MYO1A: variants seen among roughly 807,000 people sequenced by gnomAD.
MYO1A encodes myosin IA.
A neutral mutation model predicts 138.5 loss-of-function variants in MYO1A; 127 were observed. That is an observed-to-expected ratio of 0.92 (90% CI 0.79 to 1.06). The LOEUF is 1.06. MYO1A is among the 50% of genes least tolerant of loss of function. The pLI is 0.00. For synonymous variants in MYO1A, 477 were observed against 497.5 expected, an observed-to-expected ratio of 0.96 and a Z score of 0.55; for missense variants, 1,211 against 1,288.8, an observed-to-expected ratio of 0.94 and a Z score of 0.92.
intron 12 of MYO1A, among the ~76,000 whole-genome samples, 175 bp downstream of exon 12, chr12:57,042,897 T>C (rs925543346): frequency 3.9e-5 from 6 of 152,186 alleles, no homozygotes; most frequent in Admixed American, 2.0e-4. Context: ...TATATCCAGA[T>C]TGTCTAACTC....
rs747610908 is a variant in MYO1A at position 57,029,475 on chromosome 12, G to C, written c.2837C>G (p.Thr946Ser). The C allele has an allele frequency of 1.2e-6, 2 of 1,614,046 alleles. No individual in the cohort carries two copies. Among genetic ancestry groups the C allele is most frequent in the Admixed American group, 1.7e-5 (1 of 60,008 alleles). The change falls in exon 26 of 28, where the codon ACC becomes AGC. Residue 946 changes from threonine to serine, a missense_variant. By Grantham distance (58) the Thr-to-Ser change is moderately conservative. Coordinates refer to ENST00000300119, the MANE Select transcript of MYO1A (RefSeq NM_005379.4). The part of the protein sequence containing the change: ...GLDNVAGVSV[T>S]SLKDGLFSLH... The stretch of plus-strand genomic sequence containing the variant: ...GCTAAAGAGCCCATCCTTGAGGCTG[G>C]TGACTGACACCCCAGCCACATTGTC...
At chr12:57,046,497 T>C in intron 8 of MYO1A, 55 bp downstream of exon 8, 3 of 1,368,934 alleles carry the variant, frequency 2.2e-6, no homozygotes, top group Non-Finnish European at 3.1e-6. Context: ...GAATGGAGGT[T>C]GGGGACTTTG....
In MYO1A at chr12:57,046,885, G is replaced by C. The variant is rs761610394; in HGVS notation, c.519C>G (p.Pro173=). ...TACAGTTTGTGATGACACCACCGAG[G>C]GGGGATCCCTTGAAGTCAAATTCAA... ...MDIEFDFKGS[P]LGGVITNYLL... Residue 173 remains proline, a synonymous_variant, in exon 7 of 28, where the codon CCC becomes CCG. Coordinates refer to ENST00000300119, the MANE Select transcript of MYO1A (RefSeq NM_005379.4). 2.0e-5 allele frequency: 33 copies of C among 1,613,976 alleles called. No homozygotes were observed. The Admixed American group carries it at 4.5e-4, about 22-fold the overall frequency.
intron 19 of MYO1A, 110 bp downstream of exon 19, chr12:57,037,438 T>G (rs996299538): frequency 1.0e-6 from 1 of 1,004,718 alleles, no homozygotes; most frequent in East Asian, 2.4e-5. Flanking sequence ...TCCCATCCAC[T>G]GGACAGTGAT....
At chr12:57,042,565 C>A (rs2030904590) in intron 12 of MYO1A, among the ~76,000 whole-genome samples, 1 of 152,142 alleles carries the variant, frequency 6.6e-6, no homozygotes, top group Non-Finnish European at 1.5e-5. Flanking sequence ...CCTTATTAAA[C>A]CCTGTGAAGC....
chr12:57,040,021 G>C (rs966452712), intron 14 of MYO1A, among the ~76,000 whole-genome samples: 1 of 152,210 alleles, frequency 6.6e-6, no homozygotes, highest in African/African-American at 2.4e-5. Context: ...TGGGCATCAG[G>C]CCTACAGACA....
In MYO1A at chr12:57,036,338, A is replaced by T; in HGVS notation, c.2318T>A (p.Leu773His). 1 of 1,613,872 alleles carries T rather than the reference A, an allele frequency of 6.2e-7. No homozygotes were observed. Among genetic ancestry groups the T allele is most frequent in the Non-Finnish European group, 8.5e-7 (1 of 1,179,792 alleles). Residue 773 changes from leucine (L) to histidine (H), a missense_variant, in exon 22 of 28, where the codon CTC (leucine) becomes CAC (histidine). Physicochemically the swap from Leu to His is moderately conservative, Grantham distance 99. Transcript: ENST00000300119. ...CTTGTAGATGAAATCTGCCAAGGTGAGGGCAGCCTCTGACCGGAAATATTT... is the reference window on the plus strand; with the variant it reads ...CTTGTAGATGAAATCTGCCAAGGTGTGGGCAGCCTCTGACCGGAAATATTT... ...YRKYFRSEAA[L>H]TLADFIYKSM...
Position 57,029,158 on chromosome 12 carries a change from C to T in MYO1A, c.2979G>A (p.Arg993=). ...TCTCAGTCACGGTGACTGTAAGCTG[C>T]CTCTGCGTGGCATCCAGCACAGCCC... is the stretch of plus-strand genomic sequence containing the variant. ...MYRAVLDATQ[R]QLTVTVTEKF... The change falls in exon 27 of 28, where the codon AGG becomes AGA. Residue 993 remains arginine (R), a synonymous_variant. Transcript: ENST00000300119. 6.2e-7 allele frequency: 1 copy of T among 1,614,190 alleles called. No individual in the cohort carries two copies. The highest frequency in any genetic ancestry group is 8.5e-7 in the Non-Finnish European group (1 of 1,180,030).
chr12:57,038,273 A>G, intron 17 of MYO1A, 139 bp downstream of exon 17: 1 of 1,138,112 alleles, frequency 8.8e-7, no homozygotes, highest in East Asian at 2.5e-5. Context: ...TCAGCTCCTT[A>G]TCTGACTGTT....
rs554607870 is a variant in MYO1A at position 57,032,629 on chromosome 12, G to C, written c.2350-1455C>G. Among the ~76,000 whole-genome samples, 135 of 152,222 alleles carry C rather than the reference G, an allele frequency of 8.9e-4. 1 individual carries two copies. Among genetic ancestry groups the C allele is most frequent in the African/African-American group, 3.2e-3 (133 of 41,522 alleles). The stretch of plus-strand genomic sequence containing the variant: ...ACCCGGGAGGTGGAGGTTGCAGTGA[G>C]CCAAGATCGCACCACTGCACTCCAG... On this transcript the variant is annotated intron_variant, in intron 22 of 27. Coordinates refer to ENST00000300119, the MANE Select transcript of MYO1A (RefSeq NM_005379.4).
Position 57,038,103 on chromosome 12 carries a change from G to A in MYO1A, c.1761-34C>T, listed in dbSNP as rs2030661423. 5.0e-6 allele frequency: 8 copies of A among 1,607,050 alleles called. No homozygotes were observed. The Admixed American group carries it at 1.0e-4, about 20-fold the overall frequency. ...AGGTGGGGTAAGGCACAGCCTTCAG[G>A]AGCTGACATCATTGCCAGTGTAACC... is the stretch of plus-strand genomic sequence containing the variant. On this transcript the variant is annotated intron_variant, in intron 17 of 27. Transcript: ENST00000300119.
intron 22 of MYO1A, among the ~76,000 whole-genome samples, chr12:57,034,569 A>G (rs703848): frequency 0.71 from 107,784 of 152,074 alleles, 38,556 homozygotes; most frequent in African/African-American, 0.77. Context: ...AGCTACTGGG[A>G]AGGCCGAGGC....
chr12:57,037,819 G>A (rs745444672), intron 18 of MYO1A, 50 bp downstream of exon 18: 51 of 1,597,866 alleles, frequency 3.2e-5, no homozygotes, highest in Non-Finnish European at 4.4e-5. Flanking sequence ...CCCCAGAGAT[G>A]TTTCCTGCAC....
Position 57,048,013 on chromosome 12 carries a change from G to A in MYO1A, c.206C>T (p.Thr69Ile), listed in dbSNP as rs746150165. 8.1e-6 allele frequency: 13 copies of A among 1,613,994 alleles called. No homozygotes were observed. The East Asian group carries it at 2.7e-4, about 33-fold the overall frequency. Reference sequence around the variant, plus strand: ...CATATGGGGCTTCAGCTCATAGAAAGTATAGTCTTGATATTTGGCAATGAA... The same window carrying A: ...CATATGGGGCTTCAGCTCATAGAAAATATAGTCTTGATATTTGGCAATGAA... ...PEFIAKYQDY[T>I]FYELKPHIYA... is the part of the protein sequence containing the mutation. The change falls in exon 3 of 28, where the codon ACT becomes ATT. Residue 69 changes from threonine to isoleucine, a missense_variant. Physicochemically the swap from Thr to Ile is moderately conservative, Grantham distance 89 (BLOSUM62 -1). Transcript: ENST00000300119.
rs2030208927 is a variant in MYO1A, at chr12:57,030,215, G to A, written c.2586C>T (p.Pro862=). ...ELFKGKKASY[P]QSVPIPFCGD... ...AGGGTCTGGGAGGCCCTCACCTCTG[G>A]GGATATGAAGCCTTCTTGCCCTTGA... Residue 862 remains proline (P), a synonymous_variant, in exon 24 of 28, where the codon CCC becomes CCT. Coordinates refer to ENST00000300119, the MANE Select transcript of MYO1A (RefSeq NM_005379.4). The A allele has an allele frequency of 6.2e-7, 1 of 1,613,734 alleles. No homozygotes were observed. Among genetic ancestry groups the A allele is most frequent in the South Asian group, 1.1e-5 (1 of 91,070 alleles).
chr12:57,041,504 A>G lies in MYO1A; in HGVS notation c.1099-7T>C. On this transcript the variant is annotated splice_region_variant and splice_polypyrimidine_tract_variant and intron_variant, in intron 12 of 27. Coordinates refer to ENST00000300119, the MANE Select transcript of MYO1A (RefSeq NM_005379.4). ...TCTTTTCCCCGATGCCCACCTGAAG[A>G]GGAGAGAAAGATAAATCTGAGGACA... The G allele has an allele frequency of 6.2e-7, 1 of 1,610,788 alleles. No individual in the cohort carries two copies. Among genetic ancestry groups the G allele is most frequent in the Non-Finnish European group, 8.5e-7 (1 of 1,176,932 alleles).
chr12:57,034,627 T>C (rs1293833238), intron 22 of MYO1A, among the ~76,000 whole-genome samples: 1 of 151,954 alleles, frequency 6.6e-6, no homozygotes, highest in East Asian at 1.9e-4. Context: ...TGAGCCGAGA[T>C]CATGCTTGCT....
intron 22 of MYO1A, among the ~76,000 whole-genome samples, chr12:57,032,152 T>C (rs896353449): frequency 8.5e-5 from 13 of 152,202 alleles, no homozygotes; most frequent in Admixed American, 3.3e-4. Context: ...TCTCCTTTCT[T>C]TGAAGCCCCA....
chr12:57,039,587 T>C, intron 14 of MYO1A: 2 of 418,794 alleles, frequency 4.8e-6, no homozygotes, highest in South Asian at 4.2e-5. Context: ...GATAGAGATT[T>C]CCTGTGTGGG....
Sources: gnomAD v4.1 joint callset for allele counts (sites outside exome capture counted in the v4.1 genomes callset) on GRCh38, gnomAD v4.1.1 for gene constraint, MANE v1.5 for transcripts, NCBI Gene and HGNC (gene_info 2026-07-23, HGNC 2026-07-21) for gene names.